The following PPP2R2C variants were observed in gnomAD, a reference collection of about 807,000 sequenced individuals.
The protein encoded by PPP2R2C is protein phosphatase 2 regulatory subunit Bgamma, also known as protein phosphatase 2, regulatory subunit B, gamma.
In PPP2R2C, 10 loss-of-function variants were observed where a neutral mutation model predicts 45.3. The ratio of observed to expected loss-of-function variants is 0.22; its 90% CI spans 0.14 to 0.37. The LOEUF is 0.37. PPP2R2C is among the 10% of genes least tolerant of loss of function. The pLI, the probability that PPP2R2C is intolerant of heterozygous loss-of-function variation, is 1.00. For missense variants in PPP2R2C, 308 were observed against 619.7 expected (o/e 0.50, Z 5.34); for synonymous variants, 257 against 245.4 (o/e 1.05, Z -0.44).
chr4:6,511,864 ATGGTGG>A (rs1560594552), intron 2 of PPP2R2C, among the ~76,000 whole-genome samples: 11 of 3,148 alleles, frequency 3.5e-3, no homozygotes, highest in African/African-American at 0.011. Context: ...GGTGGTGGTG[ATGGTGG>A]TGGTGGTGGT....
At chr4:6,383,921 C>G in intron 1 of PPP2R2C, 1 of 986,550 alleles carries the variant, frequency 1.0e-6, no homozygotes, top group Non-Finnish European at 1.2e-6. Context: ...TCAATGCCAG[C>G]TTTGAGGCAA....
At chr4:6,423,201 T>G (rs770015739) in intron 1 of PPP2R2C, among the ~76,000 whole-genome samples, 1 of 152,164 alleles carries the variant, frequency 6.6e-6, no homozygotes, top group Non-Finnish European at 1.5e-5. Flanking sequence ...TTTTCTTGTT[T>G]TAGTTTTTTG....
intron 1 of PPP2R2C, among the ~76,000 whole-genome samples, chr4:6,391,371 G>A (rs963394000): frequency 1.3e-5 from 2 of 152,186 alleles, no homozygotes; most frequent in Non-Finnish European, 2.9e-5. Flanking sequence ...AGCCATGGCA[G>A]GCGCTGTGCA....
rs1200902905 is a variant in PPP2R2C, at chr4:6,556,655, G to T, written c.-59+6905C>A. Among the ~76,000 whole-genome samples the T allele has an allele frequency of 2.0e-5, 3 of 152,244 alleles. 1 individual carries two copies. The South Asian group carries it at 6.2e-4, about 32-fold the overall frequency. ...CCCCAGGCCACCTTGTCATCATCCT[G>T]CAACCTTGTTCTTTCCAGAGCCCTG... On this transcript the variant is annotated intron_variant, in intron 1 of 9. Coordinates refer to the PPP2R2C transcript ENST00000506140.
chr4:6,354,568 A>G (rs75191583), intron 5 of PPP2R2C, among the ~76,000 whole-genome samples: 4,332 of 152,052 alleles, frequency 0.028, 186 homozygotes, highest in African/African-American at 0.099. Flanking sequence ...CCGTGGGCAA[A>G]TATTAGATGG....
At chr4:6,351,600 C>T (rs116706815) in intron 5 of PPP2R2C, among the ~76,000 whole-genome samples, 32 of 152,272 alleles carry the variant, frequency 2.1e-4, no homozygotes, top group Non-Finnish European at 4.3e-4. Flanking sequence ...TCTTCGGATA[C>T]GGTGGCTGCT....
chr4:6,463,710 C>T (rs778031232), intron 1 of PPP2R2C, among the ~76,000 whole-genome samples: 16 of 152,342 alleles, frequency 1.1e-4, no homozygotes, highest in East Asian at 9.6e-4. Flanking sequence ...GCCCAGAATG[C>T]GCTAGAATAC....
At position 6,496,862 on chromosome 4, in the gene PPP2R2C, A is replaced by AAAATAAATAAATAAATAAAT. The variant is rs58136718; in HGVS notation, c.49+38389_49+38408dup. On this transcript the variant is annotated intron_variant, in intron 2 of 9. Transcript: ENST00000506140. ...GGCAACAAGAGCAAAACTCCATCTC[A>AAAATAAATAAATAAATAAAT]AAATAAATAAATAAATAAATAAATA... Among the ~76,000 whole-genome samples, 124 of 139,030 alleles carry AAAATAAATAAATAAATAAAT rather than the reference A, an allele frequency of 8.9e-4. 1 individual carries two copies. Among genetic ancestry groups the AAAATAAATAAATAAATAAAT allele is most frequent in the Middle Eastern group, 3.6e-3 (1 of 274 alleles). The allele number at this position is 139,030 out of a possible 152,430, so 91.2% of individuals were successfully genotyped here.
intron 1 of PPP2R2C, among the ~76,000 whole-genome samples, chr4:6,553,356 G>A (rs575019259): frequency 1.4e-4 from 21 of 152,346 alleles, no homozygotes; most frequent in African/African-American, 4.1e-4. Flanking sequence ...ATAGATCTAC[G>A]GGTCAAGTGG....
At chr4:6,531,009 G>A (rs747025375) in intron 2 of PPP2R2C, among the ~76,000 whole-genome samples, 1 of 152,230 alleles carries the variant, frequency 6.6e-6, no homozygotes, top group African/African-American at 2.4e-5. Flanking sequence ...GTGTGGAGGG[G>A]AGGAGCCCGC....
chr4:6,332,518 C>G lies in PPP2R2C; in HGVS notation c.960+1044G>C, dbSNP rs190681848. On this transcript the variant is annotated intron_variant, in intron 7 of 8. Coordinates refer to ENST00000382599, the MANE Select transcript of PPP2R2C (RefSeq NM_020416.4). This position sits in a 1 kb window ranked among gnomAD's most constrained non-coding sequence, Gnocchi z 4.9. ...CCAGGTCAGATCAGAGCAGCCCACC[C>G]TCTGAGCTCTGCACCAGTTCCCAGC... 7.2e-5 allele frequency among the ~76,000 whole-genome samples: 11 copies of G among 152,336 alleles called. No homozygotes were observed. The highest frequency in any genetic ancestry group is 2.6e-4 in the African/African-American group (11 of 41,570).
intron 2 of PPP2R2C, among the ~76,000 whole-genome samples, chr4:6,508,482 G>A (rs55785745): frequency 2.0e-4 from 31 of 151,930 alleles, no homozygotes; most frequent in South Asian, 1.0e-3. Flanking sequence ...CCAGCTACTC[G>A]GGAGGCTGAG....
chr4:6,496,614 C>G (rs966625678), intron 2 of PPP2R2C, among the ~76,000 whole-genome samples: 3 of 152,192 alleles, frequency 2.0e-5, no homozygotes, highest in African/African-American at 7.2e-5. Context: ...GTAATCCCAA[C>G]ATTTTGAGAG....
intron 5 of PPP2R2C, among the ~76,000 whole-genome samples, chr4:6,361,154 C>A (rs187320933): frequency 6.6e-6 from 1 of 152,154 alleles, no homozygotes; most frequent in African/African-American, 2.4e-5. Context: ...CTTCTCCACT[C>A]GGAACACCTT....
intron 5 of PPP2R2C, chr4:6,350,194 A>G (rs1712411845): frequency 5.1e-6 from 5 of 985,344 alleles, no homozygotes; most frequent in South Asian, 4.7e-5. Context: ...GCCAAGCAAG[A>G]AAAGAGCCCT....
intron 1 of PPP2R2C, among the ~76,000 whole-genome samples, chr4:6,443,456 G>A (rs1478912996): frequency 6.6e-6 from 1 of 152,214 alleles, no homozygotes; most frequent in African/African-American, 2.4e-5. Flanking sequence ...GGTGTCCTCA[G>A]GCACTGGGCA....
chr4:6,411,428 C>T (rs1718186297), intron 1 of PPP2R2C, among the ~76,000 whole-genome samples: 1 of 152,154 alleles, frequency 6.6e-6, no homozygotes, highest in Non-Finnish European at 1.5e-5. Flanking sequence ...GTGTCTCCTC[C>T]CATCATTCCT....
intron 1 of PPP2R2C, among the ~76,000 whole-genome samples, chr4:6,547,433 G>T (rs1725021948): frequency 6.6e-6 from 1 of 151,140 alleles, no homozygotes; most frequent in African/African-American, 2.4e-5. Context: ...GACCTCACTG[G>T]TCACCCTGTG....
chr4:6,520,999 T>C (rs1373554686), intron 2 of PPP2R2C, among the ~76,000 whole-genome samples: 1 of 152,234 alleles, frequency 6.6e-6, no homozygotes, highest in Non-Finnish European at 1.5e-5. Flanking sequence ...CTTATCCTGA[T>C]AGGACAGAAT....
Sources: gnomAD v4.1 joint callset for allele counts (sites outside exome capture counted in the v4.1 genomes callset) on GRCh38, gnomAD v4.1.1 for gene constraint, Gnocchi (gnomAD v3.1) non-coding constraint, MANE v1.5 for transcripts, NCBI Gene and HGNC (gene_info 2026-07-23, HGNC 2026-07-21) for gene names.